ROBO2: variants seen among roughly 807,000 people sequenced by gnomAD.
The protein encoded by ROBO2 is roundabout guidance receptor 2, also known as roundabout homolog 2.
ROBO2 carries 53 observed loss-of-function variants against 160.8 expected under a neutral mutation model. The ratio of observed to expected loss-of-function variants is 0.33; its 90% CI spans 0.26 to 0.41. The LOEUF (loss-of-function observed/expected upper bound fraction) is 0.41, where lower values mean the gene tolerates loss of function less well. ROBO2 is among the 10% of genes least tolerant of loss of function. ROBO2 has a pLI of 1.00. For synonymous variants in ROBO2, 664 were observed against 611.7 expected (o/e 1.09, Z -1.26); for missense variants, 1,577 against 1,722.4 (o/e 0.92, Z 1.49).
intron 2 of ROBO2, among the ~76,000 whole-genome samples, chr3:77,108,229 CAT>C (rs755688317): frequency 4.6e-5 from 6 of 131,450 alleles, no homozygotes; most frequent in African/African-American, 1.4e-4. Context: ...TACACATATG[CAT>C]ATATATGTAT....
chr3:77,127,738 G>A (rs2075474224), intron 2 of ROBO2, among the ~76,000 whole-genome samples: 1 of 152,116 alleles, frequency 6.6e-6, no homozygotes, highest in Non-Finnish European at 1.5e-5. Context: ...TGTAGGTTGT[G>A]TTATCAGTTA....
chr3:76,537,985 A>C (rs531714629), intron 2 of ROBO2, among the ~76,000 whole-genome samples: 18 of 151,898 alleles, frequency 1.2e-4, no homozygotes, highest in Non-Finnish European at 2.4e-4. Context: ...ATAGTGGTGG[A>C]AGGTCATATG....
rs1452838708 is a variant in ROBO2, at chr3:76,717,503, A to G, written c.110-380511A>G. Among the ~76,000 whole-genome samples, 9 of 151,776 alleles carry G rather than the reference A, an allele frequency of 5.9e-5. No individual in the cohort carries two copies. In the East Asian group the frequency reaches 1.6e-3, roughly 26 times the overall value. On this transcript the variant is annotated intron_variant, in intron 2 of 26. Transcript: ENST00000487694. The stretch of plus-strand genomic sequence containing the variant: ...GAGACCCTGTCTCCAAAAAAAAAAA[A>G]AAAGAAAAAAGAAAAGCCCCACTAT...
chr3:76,216,746 C>A (rs1435815265), intron 2 of ROBO2, among the ~76,000 whole-genome samples: 13 of 151,992 alleles, frequency 8.6e-5, no homozygotes, highest in Admixed American at 6.6e-5. Flanking sequence ...CATTAGACAG[C>A]TCAACGAGAC....
intron 2 of ROBO2, among the ~76,000 whole-genome samples, chr3:76,459,026 G>A (rs1046363626): frequency 6.6e-6 from 1 of 152,106 alleles, no homozygotes; most frequent in African/African-American, 2.4e-5. Context: ...TAAATACAAT[G>A]TACCCTGTGT....
chr3:76,985,942 C>T (rs2060357703), intron 2 of ROBO2, among the ~76,000 whole-genome samples: 1 of 152,252 alleles, frequency 6.6e-6, no homozygotes, highest in East Asian at 1.9e-4. Flanking sequence ...ACTTTTACTT[C>T]CCCTTTCTTA....
chr3:77,572,230 C>G (rs2093654870), intron 13 of ROBO2, among the ~76,000 whole-genome samples: 1 of 151,996 alleles, frequency 6.6e-6, no homozygotes, highest in East Asian at 1.9e-4. Flanking sequence ...TATAAATTCA[C>G]TTAAAGCAAA....
chr3:77,272,774 A>T (rs533786371), intron 2 of ROBO2, among the ~76,000 whole-genome samples: 4 of 152,158 alleles, frequency 2.6e-5, no homozygotes, highest in African/African-American at 9.6e-5. Context: ...AAAAACCTTT[A>T]TCTGTTATTT....
intron 2 of ROBO2, among the ~76,000 whole-genome samples, chr3:76,172,530 C>G (rs942841523): frequency 1.3e-5 from 2 of 150,284 alleles, no homozygotes; most frequent in African/African-American, 4.9e-5. Context: ...CTTGAACAGA[C>G]AAACCAACGC....
chr3:77,132,721 G>T (rs1282293296), intron 2 of ROBO2, among the ~76,000 whole-genome samples: 1 of 151,124 alleles, frequency 6.6e-6, no homozygotes, highest in Non-Finnish European at 1.5e-5. Flanking sequence ...AAGTACAAGA[G>T]TCTTTATTCT....
intron 2 of ROBO2, among the ~76,000 whole-genome samples, chr3:76,542,701 C>G (rs2108251919): frequency 6.6e-6 from 1 of 152,218 alleles, no homozygotes; most frequent in South Asian, 2.1e-4. Flanking sequence ...TTTCATTCCG[C>G]AAGATCTTGA....
intron 2 of ROBO2, among the ~76,000 whole-genome samples, chr3:75,968,234 CTA>C: frequency 6.6e-6 from 1 of 151,500 alleles, no homozygotes; most frequent in Non-Finnish European, 1.5e-5. Flanking sequence ...GCTGTCAACA[CTA>C]TGGATATTAT....
At chr3:77,312,813 T>C (rs1458942708) in intron 2 of ROBO2, among the ~76,000 whole-genome samples, 1 of 152,212 alleles carries the variant, frequency 6.6e-6, no homozygotes, top group African/African-American at 2.4e-5. Context: ...AATAGAGACA[T>C]ACATGTCAGA....
intron 2 of ROBO2, among the ~76,000 whole-genome samples, chr3:76,913,409 T>C (rs1316379131): frequency 6.6e-6 from 1 of 152,184 alleles, no homozygotes; most frequent in Non-Finnish European, 1.5e-5. Context: ...ATTATCTGGA[T>C]CTGTTATTTA....
intron 2 of ROBO2, among the ~76,000 whole-genome samples, chr3:76,031,993 T>C (rs996478586): frequency 4.0e-5 from 6 of 151,868 alleles, no homozygotes; most frequent in African/African-American, 1.2e-4. Flanking sequence ...TCCTGGACTT[T>C]TTTTGGTTGG....
Position 76,541,046 on chromosome 3 carries a change from C to T in ROBO2, c.110-556968C>T, listed in dbSNP as rs114485518. On this transcript the variant is annotated intron_variant, in intron 2 of 26. Coordinates refer to the ROBO2 transcript ENST00000487694. ...AACTCCTGACCTCAAGTGATCTGCC[C>T]GCCTCGGCCTCCCAGAATGCTGTGA... 8.9e-3 allele frequency among the ~76,000 whole-genome samples: 1,360 copies of T among 152,206 alleles called. 14 individuals are homozygous for T. The highest frequency in any genetic ancestry group is 0.013 in the Non-Finnish European group (870 of 68,010).
At chr3:76,225,637 C>G (rs1705613220) in intron 2 of ROBO2, among the ~76,000 whole-genome samples, 1 of 152,090 alleles carries the variant, frequency 6.6e-6, no homozygotes, top group Admixed American at 6.6e-5. Flanking sequence ...ATCCTTGAGT[C>G]TGGGAGGTGG....
intron 5 of ROBO2, among the ~76,000 whole-genome samples, chr3:77,520,297 A>G (rs2090463472): frequency 6.6e-6 from 1 of 151,350 alleles, no homozygotes; most frequent in Non-Finnish European, 1.5e-5. Context: ...ACACATTCAG[A>G]GTCAGGGTTT....
chr3:76,486,322 C>T lies in ROBO2; in HGVS notation c.109+548720C>T, dbSNP rs866830896. ...AGAGAGCCCTTAGAGTGATTCTATA[C>T]GATTAACTACCTTGGGTTGAAGTTA... On this transcript the variant is annotated intron_variant, in intron 2 of 26. Coordinates refer to the ROBO2 transcript ENST00000487694. Among the ~76,000 whole-genome samples, 21 of 152,132 alleles carry T rather than the reference C, an allele frequency of 1.4e-4. No homozygotes were observed. The Middle Eastern group carries it at 0.01, about 74-fold the overall frequency.
Sources: allele counts gnomAD v4.1 joint callset (sites outside exome capture counted in the v4.1 genomes callset), GRCh38; gene constraint gnomAD v4.1.1; transcripts MANE v1.5; gene names NCBI Gene and HGNC (gene_info 2026-07-23, HGNC 2026-07-21).